Variants in CPXM2 observed in about 807,000 individuals in gnomAD.
CPXM2 encodes the protein inactive carboxypeptidase-like protein X2.
Under a neutral mutation model 86.1 loss-of-function variants are expected in CPXM2, and 66 were observed. That is an observed-to-expected ratio of 0.77 (90% CI 0.63 to 0.94). The LOEUF is 0.94. Ranked by LOEUF, CPXM2 falls within the 40% of genes least tolerant of loss-of-function variation. CPXM2 has a pLI of 0.00. For missense variants in CPXM2, 948 were observed against 1,026.3 expected (o/e 0.92, Z 1.04); for synonymous variants, 388 against 400.2 (o/e 0.97, Z 0.36).
rs140183425 is a variant in CPXM2 at position 123,839,749 on chromosome 10, G to T, written c.653+2600C>A. Among the ~76,000 whole-genome samples the T allele has an allele frequency of 9.3e-4, 141 of 152,224 alleles. 1 individual carries two copies. Among genetic ancestry groups the T allele is most frequent in the African/African-American group, 3.2e-3 (131 of 41,536 alleles). On this transcript the variant is annotated intron_variant, in intron 4 of 13. Coordinates refer to ENST00000241305, the MANE Select transcript of CPXM2 (RefSeq NM_198148.3). ...TCTGGACATACTGAGATAGAAAAAG[G>T]CTCAGATACCAAGATGTATCCTCAT... is the stretch of plus-strand genomic sequence containing the variant.
intron 4 of CPXM2, among the ~76,000 whole-genome samples, chr10:123,801,636 A>G (rs1306511855): frequency 1.3e-5 from 2 of 152,170 alleles, no homozygotes; most frequent in Non-Finnish European, 2.9e-5. Context: ...TGATCATGTC[A>G]TCCCTGCTTA....
intron 3 of CPXM2, among the ~76,000 whole-genome samples, chr10:123,857,451 A>G (rs539607953): frequency 6.6e-6 from 1 of 152,194 alleles, no homozygotes; most frequent in South Asian, 2.1e-4. Context: ...TTAAGGAGAC[A>G]CGTTGAGTTG....
intron 2 of CPXM2, among the ~76,000 whole-genome samples, chr10:123,909,915 GC>G (rs1945474333): frequency 6.6e-6 from 1 of 152,166 alleles, no homozygotes; most frequent in African/African-American, 2.4e-5. Flanking sequence ...GTCCCTCCAT[GC>G]TGATGCACGT....
At chr10:123,917,382 C>G (rs1033430087) in intron 2 of CPXM2, among the ~76,000 whole-genome samples, 1 of 152,218 alleles carries the variant, frequency 6.6e-6, no homozygotes, top group South Asian at 2.1e-4. Flanking sequence ...TTTTTCAACA[C>G]TTTCTTTCAA....
At chr10:123,776,180 C>T (rs1326065491) in intron 7 of CPXM2, among the ~76,000 whole-genome samples, 1 of 152,014 alleles carries the variant, frequency 6.6e-6, no homozygotes, top group Non-Finnish European at 1.5e-5. Context: ...CTGGCAAAAT[C>T]CTATTTCTTA....
At chr10:123,774,628 A>G (rs955820661) in intron 7 of CPXM2, among the ~76,000 whole-genome samples, 2 of 152,190 alleles carry the variant, frequency 1.3e-5, no homozygotes, top group Admixed American at 1.3e-4. Context: ...TGACAGGTGC[A>G]GCCTTGACTG....
chr10:123,831,359 G>C (rs1168524589), intron 4 of CPXM2, among the ~76,000 whole-genome samples: 2 of 152,206 alleles, frequency 1.3e-5, no homozygotes, highest in African/African-American at 4.8e-5. Context: ...CCCTGCCTCT[G>C]TCCAGTGTTG....
intron 2 of CPXM2, among the ~76,000 whole-genome samples, chr10:123,928,764 A>T (rs1163450286): frequency 6.6e-6 from 1 of 152,248 alleles, no homozygotes; most frequent in African/African-American, 2.4e-5. Context: ...AGATGACTCC[A>T]TCCCACAGCC....
intron 4 of CPXM2, among the ~76,000 whole-genome samples, chr10:123,803,332 A>C (rs1847503857): frequency 6.6e-6 from 1 of 151,688 alleles, no homozygotes; most frequent in African/African-American, 2.4e-5. Flanking sequence ...GGCTTGTCTC[A>C]AACTCCTGGG....
At chr10:123,766,056 C>T (rs959809257) in intron 10 of CPXM2, among the ~76,000 whole-genome samples, 6 of 152,178 alleles carry the variant, frequency 3.9e-5, no homozygotes, top group African/African-American at 1.2e-4. Flanking sequence ...TATGTAGAAC[C>T]GCTTATAGGA....
chr10:123,832,826 T>TAAAAAAAA lies in CPXM2; in HGVS notation c.653+9515_653+9522dup, dbSNP rs537178892. Among the ~76,000 whole-genome samples the TAAAAAAAA allele has an allele frequency of 6.4e-4, 86 of 133,486 alleles. 5 individuals are homozygous for TAAAAAAAA. Among genetic ancestry groups the TAAAAAAAA allele is most frequent in the East Asian group, 1.7e-3 (8 of 4,584 alleles). The allele number at this position is 133,486 out of a possible 152,430, so 87.6% of individuals were successfully genotyped here. Reference sequence around the variant, plus strand: ...TGGGCAACAAGAGCAAAACTCTGTCTAAAAAAAAAAAGAAGTGGGTCTTTG... The same window carrying TAAAAAAAA: ...TGGGCAACAAGAGCAAAACTCTGTCTAAAAAAAAAAAAAAAAAAAGAAGTGGGTCTTTG... On this transcript the variant is annotated intron_variant, in intron 4 of 13. Transcript: ENST00000241305.
intron 2 of CPXM2, among the ~76,000 whole-genome samples, chr10:123,923,265 C>T (rs1431583650): frequency 6.6e-6 from 1 of 152,196 alleles, no homozygotes; most frequent in Admixed American, 6.5e-5. Context: ...AATGTGTGTG[C>T]ATTGGATCCT....
intron 3 of CPXM2, among the ~76,000 whole-genome samples, chr10:123,843,776 G>T (rs1469447600): frequency 6.6e-6 from 1 of 152,246 alleles, no homozygotes; most frequent in East Asian, 1.9e-4. Flanking sequence ...TAACATAAGC[G>T]TTCTATCAGG....
rs560228240 is a variant in CPXM2 at position 123,808,813 on chromosome 10, A to C, written c.654-9614T>G. On this transcript the variant is annotated intron_variant, in intron 4 of 13. Coordinates refer to ENST00000241305, the MANE Select transcript of CPXM2 (RefSeq NM_198148.3). Reference sequence around the variant, plus strand: ...GTCCCAAAGAACTTCTGATTTTGTAATTATCACATTTTTAAGTTTTCCTTT... The same window carrying C: ...GTCCCAAAGAACTTCTGATTTTGTACTTATCACATTTTTAAGTTTTCCTTT... Among the ~76,000 whole-genome samples the C allele has an allele frequency of 2.0e-5, 3 of 152,324 alleles. No homozygotes were observed. In the South Asian group the frequency reaches 6.2e-4, roughly 32 times the overall value.
intron 4 of CPXM2, among the ~76,000 whole-genome samples, chr10:123,840,607 T>C (rs930059038): frequency 1.3e-5 from 2 of 152,218 alleles, no homozygotes; most frequent in African/African-American, 2.4e-5. Flanking sequence ...GGTATGTCTT[T>C]AAGTTAAAAA....
At chr10:123,797,732 T>G (rs972657376) in intron 6 of CPXM2, among the ~76,000 whole-genome samples, 13 of 152,102 alleles carry the variant, frequency 8.5e-5, no homozygotes, top group Middle Eastern at 6.8e-3. Context: ...GTAATTTTTA[T>G]ATTTTATTTA....
At chr10:123,899,583 G>A (rs72827500) in intron 2 of CPXM2, among the ~76,000 whole-genome samples, 9,912 of 152,260 alleles carry the variant, frequency 0.065, 449 homozygotes, top group Non-Finnish European at 0.08. Context: ...TTGCGAGGCC[G>A]AGGTGAGAGG....
At chr10:123,907,858 A>G (rs1317042942) in intron 2 of CPXM2, among the ~76,000 whole-genome samples, 1 of 152,140 alleles carries the variant, frequency 6.6e-6, no homozygotes, top group Non-Finnish European at 1.5e-5. Context: ...TAAACCAGGC[A>G]ATACATCAGC....
intron 2 of CPXM2, 21 bp from the exon 3 acceptor site, chr10:123,862,744 T>C (rs772401791): frequency 1.9e-6 from 3 of 1,594,230 alleles, no homozygotes; most frequent in African/African-American, 1.3e-5. Context: ...CAAATGCTTG[T>C]TAAAAACAAC....
Sources: gnomAD v4.1 joint callset for allele counts (sites outside exome capture counted in the v4.1 genomes callset) on GRCh38, gnomAD v4.1.1 for gene constraint, MANE v1.5 for transcripts, NCBI Gene and HGNC (gene_info 2026-07-23, HGNC 2026-07-21) for gene names.